COBL: variants seen among roughly 807,000 people sequenced by gnomAD.
COBL encodes cordon-bleu WH2 repeat protein, also known as protein cordon-bleu.
COBL carries 51 observed loss-of-function variants against 98.8 expected under a neutral mutation model. The observed-to-expected ratio is 0.52, with a 90% CI of 0.41 to 0.65. The LOEUF (loss-of-function observed/expected upper bound fraction) is 0.65. Ranked by LOEUF, COBL falls within the 30% of genes least tolerant of loss-of-function variation. The pLI is 0.00. For synonymous variants in COBL, 634 were observed against 651.7 expected, an observed-to-expected ratio of 0.97 and a Z score of 0.41; for missense variants, 1,617 against 1,617.5, an observed-to-expected ratio of 1.00 and a Z score of 0.01.
rs767906752 is a variant in COBL, at chr7:51,043,647, G to A, written c.1142C>T (p.Ala381Val). Reference protein sequence around the residue: ...GSGSHCSPDGAPQVLSEAEET... With the variant: ...GSGSHCSPDGVPQVLSEAEET... ...CTCCGCCTCTGACAGCACCTGCGGG[G>A]CTCCATCCGGGCTGCAGTGGCTGCC... Residue 381 changes from alanine to valine, a missense_variant, in exon 8 of 13, where the codon GCC becomes GTC. Around this residue, in one of 3 missense-constraint regions of COBL, gnomAD observed 1,304 missense variants for 1,282.0 expected, o/e 1.02. Transcript: ENST00000265136. 1 of 1,614,162 alleles carries A rather than the reference G, an allele frequency of 6.2e-7. No individual in the cohort carries two copies. Among genetic ancestry groups the A allele is most frequent in the Admixed American group, 1.7e-5 (1 of 60,024 alleles).
chr7:51,054,326 T>C (rs1262913579), intron 7 of COBL, among the ~76,000 whole-genome samples: 1 of 152,222 alleles, frequency 6.6e-6, no homozygotes, highest in Non-Finnish European at 1.5e-5. Context: ...TTGCCATCTA[T>C]AAAATCTACT....
intron 1 of COBL, among the ~76,000 whole-genome samples, chr7:51,221,932 A>G: frequency 6.6e-6 from 1 of 152,240 alleles, no homozygotes; most frequent in South Asian, 2.1e-4. Context: ...TCATGCCTGT[A>G]ATCCCAGCAT....
In COBL at chr7:51,136,249, G is replaced by A. The variant is rs1562953147; in HGVS notation, c.866C>T (p.Ser289Leu). ...CATCTCCGACTTCACGGACACCCCT[G>A]AGATGCTGCCCAGCGAGAGGGATGG... ...LGPSLSLGSI[S>L]GVSVKSEMKK... Residue 289 changes from serine to leucine, a missense_variant, in exon 6 of 13, where the codon TCA (serine) becomes TTA (leucine). Ser to Leu is a moderately radical substitution (Grantham distance 145, BLOSUM62 -2). Around this residue, in one of 3 missense-constraint regions of COBL, gnomAD observed 1,304 missense variants for 1,282.0 expected, o/e 1.02. Transcript: ENST00000265136. The A allele has an allele frequency of 1.2e-6, 2 of 1,614,032 alleles. No individual in the cohort carries two copies. The highest frequency in any genetic ancestry group is 8.5e-7 in the Non-Finnish European group (1 of 1,180,042).
chr7:51,292,953 A>G (rs1173804609), intron 1 of COBL, among the ~76,000 whole-genome samples: 1 of 152,258 alleles, frequency 6.6e-6, no homozygotes, highest in East Asian at 1.9e-4. Flanking sequence ...ACAATGACAG[A>G]ATTGAAGGAA....
At chr7:51,214,215 G>A (rs1280459028) in intron 2 of COBL, among the ~76,000 whole-genome samples, 1 of 151,820 alleles carries the variant, frequency 6.6e-6, no homozygotes, top group Non-Finnish European at 1.5e-5. Context: ...GCAGTGAGCC[G>A]AGATTGTGCC....
intron 1 of COBL, among the ~76,000 whole-genome samples, chr7:51,288,172 G>A (rs1263543630): frequency 5.3e-5 from 8 of 152,240 alleles, no homozygotes; most frequent in Non-Finnish European, 8.8e-5. Flanking sequence ...GATGGCTCAC[G>A]TCTGTAATCC....
chr7:51,126,660 G>A (rs937435550), intron 6 of COBL, among the ~76,000 whole-genome samples: 3 of 152,114 alleles, frequency 2.0e-5, no homozygotes, highest in African/African-American at 7.2e-5. Context: ...GTGTAGCAAG[G>A]AAGTGACTGA....
intron 1 of COBL, among the ~76,000 whole-genome samples, chr7:51,243,927 G>A (rs1293790408): frequency 6.6e-6 from 1 of 152,164 alleles, no homozygotes; most frequent in Non-Finnish European, 1.5e-5. Flanking sequence ...CAACCACGGG[G>A]AAACTGGGGA....
chr7:51,125,724 A>G (rs1798136999), intron 6 of COBL, among the ~76,000 whole-genome samples: 1 of 152,080 alleles, frequency 6.6e-6, no homozygotes, highest in Non-Finnish European at 1.5e-5. Context: ...CACTTTCCCC[A>G]CATATTCATA....
intron 1 of COBL, among the ~76,000 whole-genome samples, chr7:51,259,005 C>T (rs1352607826): frequency 2.6e-5 from 4 of 152,080 alleles, no homozygotes; most frequent in Non-Finnish European, 4.4e-5. Flanking sequence ...AACCCAATCT[C>T]GGCCGAGCGC....
intron 8 of COBL, among the ~76,000 whole-genome samples, chr7:51,041,864 G>A (rs1290389616): frequency 6.6e-6 from 1 of 152,098 alleles, no homozygotes; most frequent in Non-Finnish European, 1.5e-5. Flanking sequence ...GAAAAACATT[G>A]GCGGGCTGAA....
chr7:51,068,619 T>C (rs1019625259), intron 7 of COBL, among the ~76,000 whole-genome samples: 6 of 152,080 alleles, frequency 3.9e-5, no homozygotes, highest in African/African-American at 1.4e-4. Flanking sequence ...AACTTGAGGG[T>C]GATGGATGTT....
At chr7:51,215,136 C>A (rs1053543671) in intron 2 of COBL, among the ~76,000 whole-genome samples, 1 of 152,126 alleles carries the variant, frequency 6.6e-6, no homozygotes, top group Non-Finnish European at 1.5e-5. Flanking sequence ...GATCTCACAC[C>A]ATGAGACCTC....
At chr7:51,231,913 C>G (rs541982732) in intron 1 of COBL, among the ~76,000 whole-genome samples, 2 of 152,092 alleles carry the variant, frequency 1.3e-5, no homozygotes, top group Non-Finnish European at 2.9e-5. Context: ...AGCAGCACCT[C>G]GGGGGGAGGG....
intron 1 of COBL, among the ~76,000 whole-genome samples, chr7:51,304,877 C>T (rs889828741): frequency 2.0e-5 from 3 of 152,168 alleles, no homozygotes; most frequent in Admixed American, 6.5e-5. Flanking sequence ...AACAGTCCCT[C>T]GAAGTGACAA....
intron 1 of COBL, among the ~76,000 whole-genome samples, chr7:51,227,214 G>A (rs1427208721): frequency 6.6e-6 from 1 of 152,156 alleles, no homozygotes; most frequent in African/African-American, 2.4e-5. Flanking sequence ...CTGATGTGGG[G>A]TCTGGACAAG....
intron 7 of COBL, among the ~76,000 whole-genome samples, chr7:51,062,167 C>T (rs1024232313): frequency 4.6e-5 from 7 of 152,162 alleles, no homozygotes; most frequent in African/African-American, 1.7e-4. Context: ...TAGCAATGGT[C>T]TAATTATTCA....
At chr7:51,132,710 C>T (rs779654065) in intron 6 of COBL, among the ~76,000 whole-genome samples, 17 of 152,122 alleles carry the variant, frequency 1.1e-4, no homozygotes, top group African/African-American at 2.7e-4. Context: ...ATAGACTGTA[C>T]GGGAAGCAGA....
chr7:51,212,004 G>A (rs970436434), intron 2 of COBL, among the ~76,000 whole-genome samples: 1 of 152,096 alleles, frequency 6.6e-6, no homozygotes, highest in African/African-American at 2.4e-5. Flanking sequence ...AGGGGTGGAG[G>A]GGGTTATGAG....
Sources: allele counts gnomAD v4.1 joint callset (sites outside exome capture counted in the v4.1 genomes callset), GRCh38; gene constraint gnomAD v4.1.1; regional missense constraint gnomAD v4.1.1; transcripts MANE v1.5; gene names NCBI Gene and HGNC (gene_info 2026-07-23, HGNC 2026-07-21).